TSC22D1: variants seen among roughly 807,000 people sequenced by gnomAD.
TSC22D1 encodes the protein TSC22 domain family protein 1.
In TSC22D1, 9 loss-of-function variants were observed where a neutral mutation model predicts 74.2. That is an observed-to-expected ratio of 0.12 (90% CI 0.07 to 0.21). TSC22D1 has a LOEUF of 0.21. TSC22D1 is among the 10% of genes least tolerant of loss of function. The pLI is 1.00. For missense variants in TSC22D1, 1,427 were observed against 1,304.7 expected (o/e 1.09, Z -1.44); for synonymous variants, 586 against 492.5 (o/e 1.19, Z -2.51).
chr13:44,509,956 A>AAAAAAAAAAAAAAAAAAC (rs1879628801), intron 1 of TSC22D1, among the ~76,000 whole-genome samples: 1 of 148,912 alleles, frequency 6.7e-6, no homozygotes, highest in Non-Finnish European at 1.5e-5. Flanking sequence ...TAAGCAAAAA[A>AAAAAAAAAAAAAAAAAAC]AAAAAAAAAA....
intron 1 of TSC22D1, among the ~76,000 whole-genome samples, chr13:44,563,420 C>T (rs571944562): frequency 5.3e-5 from 8 of 152,124 alleles, no homozygotes; most frequent in Admixed American, 5.2e-4. Context: ...GCATAACATC[C>T]AACATGGTTC....
chr13:44,456,232 C>A (rs75725707), intron 1 of TSC22D1, among the ~76,000 whole-genome samples: 2 of 152,198 alleles, frequency 1.3e-5, no homozygotes, highest in African/African-American at 2.4e-5. Flanking sequence ...AAAGCTTCCA[C>A]GGCGGAGAAG....
chr13:44,474,505 T>C (rs1312372637), intron 1 of TSC22D1, among the ~76,000 whole-genome samples: 1 of 152,186 alleles, frequency 6.6e-6, no homozygotes, highest in Non-Finnish European at 1.5e-5. Flanking sequence ...TTTCTTTAGG[T>C]TTTCTTAGAG....
intron 1 of TSC22D1, among the ~76,000 whole-genome samples, chr13:44,456,974 C>A (rs559166743): frequency 6.6e-6 from 1 of 152,280 alleles, no homozygotes; most frequent in African/African-American, 2.4e-5. Flanking sequence ...AGAAAACTTC[C>A]TAGAACTACA....
At chr13:44,550,450 C>T (rs61947990) in intron 1 of TSC22D1, among the ~76,000 whole-genome samples, 13,154 of 151,824 alleles carry the variant, frequency 0.087, 744 homozygotes, top group Non-Finnish European at 0.12. Context: ...GGTGTGGTGG[C>T]GCATGCCTGT....
intron 1 of TSC22D1, among the ~76,000 whole-genome samples, chr13:44,506,944 C>T (rs761398679): frequency 1.3e-5 from 2 of 152,146 alleles, no homozygotes; most frequent in Non-Finnish European, 2.9e-5. Flanking sequence ...GACTCAGGAA[C>T]AAGCATGTCA....
At chr13:44,547,419 T>C (rs1011894026) in intron 1 of TSC22D1, among the ~76,000 whole-genome samples, 3 of 152,202 alleles carry the variant, frequency 2.0e-5, no homozygotes, top group African/African-American at 7.2e-5. Context: ...TTCCTACAAA[T>C]AGAAAAACAA....
intron 1 of TSC22D1, among the ~76,000 whole-genome samples, chr13:44,446,850 A>G (rs925090760): frequency 9.8e-5 from 10 of 101,824 alleles, no homozygotes; most frequent in Non-Finnish European, 1.8e-4. Flanking sequence ...AAGAAGAAGA[A>G]GAGGAAAAGA....
chr13:44,569,770 T>C (rs1011718228), intron 1 of TSC22D1, among the ~76,000 whole-genome samples: 8 of 152,150 alleles, frequency 5.3e-5, no homozygotes, highest in African/African-American at 1.9e-4. Flanking sequence ...ATAAATTATA[T>C]GATCCTGCAT....
In TSC22D1 at chr13:44,433,883, C is replaced by A; in HGVS notation, c.*743G>T. 8.3e-7 allele frequency: 1 copy of A among 1,201,400 alleles called. No homozygotes were observed. The highest frequency in any genetic ancestry group is 1.1e-6 in the Non-Finnish European group (1 of 887,410). The allele number at this position is 1,201,400 out of a possible 1,614,324, so 74.4% of individuals were successfully genotyped here. ...CTATATATAAAAGTCCACACCTCCTCAGACAGCCAATGAAACAACTAAATT... is the reference window on the plus strand; with the variant it reads ...CTATATATAAAAGTCCACACCTCCTAAGACAGCCAATGAAACAACTAAATT... On this transcript the variant is annotated 3_prime_UTR_variant, in exon 3 of 3. Coordinates refer to ENST00000458659, the MANE Select transcript of TSC22D1 (RefSeq NM_183422.4).
chr13:44,522,786 C>T (rs189176862), intron 1 of TSC22D1, among the ~76,000 whole-genome samples: 25 of 151,764 alleles, frequency 1.6e-4, no homozygotes, highest in African/African-American at 4.6e-4. Context: ...AAACACAGCA[C>T]GAAAATCATG....
intron 1 of TSC22D1, among the ~76,000 whole-genome samples, chr13:44,476,093 G>A (rs1437026275): frequency 1.3e-5 from 2 of 152,190 alleles, no homozygotes; most frequent in Non-Finnish European, 2.9e-5. Context: ...TTAGGTGGGG[G>A]CTACATGGAT....
intron 1 of TSC22D1, among the ~76,000 whole-genome samples, chr13:44,559,651 T>C (rs1180391800): frequency 6.6e-6 from 1 of 151,682 alleles, no homozygotes; most frequent in Non-Finnish European, 1.5e-5. Context: ...CCCTAAATGC[T>C]GGGATTACTG....
chr13:44,483,418 T>C (rs1277441229), intron 1 of TSC22D1, among the ~76,000 whole-genome samples: 4 of 152,108 alleles, frequency 2.6e-5, no homozygotes, highest in Non-Finnish European at 5.9e-5. Context: ...TCCCAGCATG[T>C]TGGGAGGCCG....
At chr13:44,444,586 T>C (rs1016800388) in intron 1 of TSC22D1, among the ~76,000 whole-genome samples, 19 of 152,092 alleles carry the variant, frequency 1.2e-4, no homozygotes, top group African/African-American at 4.3e-4. Flanking sequence ...AAGGTCATTA[T>C]AATGATAAAA....
chr13:44,451,997 G>C (rs182414729), intron 1 of TSC22D1, among the ~76,000 whole-genome samples: 1 of 152,340 alleles, frequency 6.6e-6, no homozygotes, highest in East Asian at 1.9e-4. Flanking sequence ...TGTTCAGTCA[G>C]GAAAGCAGGC....
At chr13:44,442,129 G>C (rs562664176) in intron 1 of TSC22D1, among the ~76,000 whole-genome samples, 1 of 152,338 alleles carries the variant, frequency 6.6e-6, no homozygotes, top group South Asian at 2.1e-4. Context: ...AGACTGAAGA[G>C]TGTTTTGGTC....
chr13:44,525,119 G>C (rs1423777013), intron 1 of TSC22D1, among the ~76,000 whole-genome samples: 1 of 152,074 alleles, frequency 6.6e-6, no homozygotes, highest in Admixed American at 6.6e-5. Flanking sequence ...CCTAAGGGGG[G>C]TAAAAAAGCT....
In TSC22D1 at chr13:44,432,890, C is replaced by A. The variant is rs1407227995; in HGVS notation, c.*1736G>T. On this transcript the variant is annotated 3_prime_UTR_variant, in exon 3 of 3. Transcript: ENST00000458659. ...GGCTCACTCCTCAGGTGCCAGGGGC[C>A]AATCTGCCTCAGGATTCCTTCGTGG... 6.6e-6 allele frequency: 1 copy of A among 152,198 alleles called. No homozygotes were observed. The highest frequency in any genetic ancestry group is 2.4e-5 in the African/African-American group (1 of 41,444). 9.4% of individuals were successfully genotyped at this position (152,198 alleles called of 1,614,324 possible).
Sources: allele counts gnomAD v4.1 joint callset (sites outside exome capture counted in the v4.1 genomes callset), GRCh38; gene constraint gnomAD v4.1.1; transcripts MANE v1.5; gene names NCBI Gene and HGNC (gene_info 2026-07-23, HGNC 2026-07-21).